CLTCL1: variants seen among roughly 807,000 people sequenced by gnomAD.
The protein encoded by CLTCL1 is clathrin heavy chain like 1.
In CLTCL1, 159 loss-of-function variants were observed where a neutral mutation model predicts 190.0. That is an observed-to-expected ratio of 0.84 (90% CI 0.74 to 0.95). The LOEUF is 0.95. Ranked by LOEUF, CLTCL1 falls within the 40% of genes least tolerant of loss-of-function variation. The pLI is 0.00. For synonymous variants in CLTCL1, 752 were observed against 769.6 expected, an observed-to-expected ratio of 0.98 and a Z score of 0.38; for missense variants, 1,878 against 2,033.4, an observed-to-expected ratio of 0.92 and a Z score of 1.47.
At position 19,276,738 on chromosome 22, in the gene CLTCL1, C is replaced by A. The variant is rs549111910; in HGVS notation, c.43-908G>T. ...AGGCTGGAGTGCAGTGGTGCGATCT[C>A]GGCTCACTGCAAGCTCCGCCTCCCG... On this transcript the variant is annotated intron_variant, in intron 1 of 32. Coordinates refer to ENST00000427926, the MANE Select transcript of CLTCL1 (RefSeq NM_007098.4). 3.3e-5 allele frequency among the ~76,000 whole-genome samples: 5 copies of A among 152,234 alleles called. No individual in the cohort carries two copies. In the South Asian group the frequency reaches 6.2e-4, roughly 19 times the overall value.
chr22:19,192,298 C>T (rs1449102264), intron 26 of CLTCL1, among the ~76,000 whole-genome samples: 1 of 152,114 alleles, frequency 6.6e-6, no homozygotes, highest in Non-Finnish European at 1.5e-5. Context: ...ATCTCCTGAC[C>T]TCGTGATCTC....
chr22:19,255,682 G>A (rs1448586483), intron 2 of CLTCL1, among the ~76,000 whole-genome samples: 3 of 151,898 alleles, frequency 2.0e-5, no homozygotes, highest in African/African-American at 7.3e-5. Flanking sequence ...AGCTGAGGCA[G>A]GTAGATTACC....
rs1555951467 is a variant in CLTCL1 at position 19,219,958 on chromosome 22, C to T, written c.2846G>A (p.Cys949Tyr). The change falls in exon 18 of 33, where the codon TGC becomes TAC. Residue 949 changes from cysteine to tyrosine, a missense_variant. Physicochemically the swap from Cys to Tyr is radical, Grantham distance 194. Coordinates refer to ENST00000427926, the MANE Select transcript of CLTCL1 (RefSeq NM_007098.4). ...AGCCCAGAGCTCCGGATCCTTTCTGCATACCAGGTAGCGGGCCTCGCTTTT... is the reference window on the plus strand; with the variant it reads ...AGCCCAGAGCTCCGGATCCTTTCTGTATACCAGGTAGCGGGCCTCGCTTTT... ...LFKSEARYLVCRKDPELWAHV... is the reference protein window; with the variant it reads ...LFKSEARYLVYRKDPELWAHV... 1 of 1,614,056 alleles carries T rather than the reference C, an allele frequency of 6.2e-7. No individual in the cohort carries two copies. The highest frequency in any genetic ancestry group is 2.2e-5 in the East Asian group (1 of 44,884).
intron 4 of CLTCL1, among the ~76,000 whole-genome samples, chr22:19,239,606 A>C (rs782714662): frequency 3.3e-5 from 5 of 152,232 alleles, no homozygotes; most frequent in Admixed American, 6.5e-5. Flanking sequence ...GGCCAATGCC[A>C]GGCAGCCTGG....
intron 1 of CLTCL1, among the ~76,000 whole-genome samples, chr22:19,286,006 A>T (rs2087894690): frequency 6.6e-6 from 1 of 152,164 alleles, no homozygotes; most frequent in Non-Finnish European, 1.5e-5. Flanking sequence ...CTGGGGAGAG[A>T]CAGACAGAGG....
rs145162755 is a variant in CLTCL1 at position 19,210,201 on chromosome 22, A to G, written c.3249+125T>C. 1.3e-3 allele frequency: 1,108 copies of G among 864,702 alleles called. 10 individuals carry two copies. In the African/African-American group the frequency reaches 0.016, roughly 12 times the overall value. The allele number at this position is 864,702 out of a possible 1,614,324, so 53.6% of individuals were successfully genotyped here. A position where few individuals can be genotyped will look rare whatever the true frequency, so the allele number is the denominator to read the frequency against. ...GGGTTGCTGGTGAGGAACAGAGAAG[A>G]GCACGAAGAGATGCACTGGACAACC... On this transcript the variant is annotated intron_variant, in intron 20 of 32. Coordinates refer to ENST00000427926, the MANE Select transcript of CLTCL1 (RefSeq NM_007098.4).
intron 3 of CLTCL1, among the ~76,000 whole-genome samples, chr22:19,249,034 A>G (rs533882246): frequency 1.3e-5 from 2 of 152,322 alleles, no homozygotes; most frequent in African/African-American, 4.8e-5. Flanking sequence ...CTTGTCAAAA[A>G]TCAATTGACC....
intron 29 of CLTCL1, among the ~76,000 whole-genome samples, chr22:19,186,550 C>A (rs1402975691): frequency 6.6e-6 from 1 of 152,128 alleles, no homozygotes; most frequent in East Asian, 1.9e-4. Context: ...CAGGTGCACA[C>A]AACCGTACCC....
intron 4 of CLTCL1, 80 bp downstream of exon 4, chr22:19,242,695 T>G: frequency 6.7e-7 from 1 of 1,496,120 alleles, no homozygotes; most frequent in South Asian, 1.2e-5. Flanking sequence ...CTGCAGGCCA[T>G]GCCCAGCCAC....
intron 7 of CLTCL1, 58 bp from the exon 8 acceptor site, chr22:19,233,680 C>T (rs1327580422): frequency 2.0e-6 from 3 of 1,528,890 alleles, no homozygotes; most frequent in Admixed American, 1.8e-5. Context: ...TCCCTTCACT[C>T]AACTTCCTTG....
chr22:19,257,024 GATT>G (rs1226026187), intron 2 of CLTCL1, among the ~76,000 whole-genome samples: 1 of 152,142 alleles, frequency 6.6e-6, no homozygotes, highest in African/African-American at 2.4e-5. Context: ...TGCATGCACT[GATT>G]TGATAAAAGT....
chr22:19,262,524 T>A (rs1424591527), intron 2 of CLTCL1, among the ~76,000 whole-genome samples: 1 of 150,156 alleles, frequency 6.7e-6, no homozygotes, highest in Non-Finnish European at 1.5e-5. Flanking sequence ...CCCACCTATT[T>A]GGGAGGCTGA....
intron 17 of CLTCL1, among the ~76,000 whole-genome samples, chr22:19,220,575 C>G (rs1555951756): frequency 1.3e-5 from 2 of 152,214 alleles, no homozygotes; most frequent in African/African-American, 4.8e-5. Flanking sequence ...CACCAACAGT[C>G]CACTGGAATG....
chr22:19,184,924 C>CG, intron 29 of CLTCL1: 2 of 211,342 alleles, frequency 9.5e-6, no homozygotes, highest in Non-Finnish European at 1.9e-5. Context: ...TCCAGCTCTC[C>CG]AGTCTACACC....
chr22:19,216,973 G>C (rs1445736184), intron 18 of CLTCL1, among the ~76,000 whole-genome samples: 1 of 152,204 alleles, frequency 6.6e-6, no homozygotes, highest in East Asian at 1.9e-4. Flanking sequence ...GTATCAATGA[G>C]AGGGAAGAGA....
chr22:19,266,239 A>C (rs1485220640), intron 2 of CLTCL1, among the ~76,000 whole-genome samples: 2 of 151,990 alleles, frequency 1.3e-5, no homozygotes, highest in East Asian at 3.9e-4. Context: ...CAAAATTAAG[A>C]ATGAAAGAGG....
At chr22:19,288,987 C>T (rs1314256609) in intron 1 of CLTCL1, among the ~76,000 whole-genome samples, 9 of 152,208 alleles carry the variant, frequency 5.9e-5, no homozygotes, top group East Asian at 3.8e-4. Context: ...CCTAGCTCAT[C>T]GCATCTTATT....
At chr22:19,222,946 A>C in intron 14 of CLTCL1, 137 bp from the exon 15 acceptor site, 1 of 1,019,284 alleles carries the variant, frequency 9.8e-7, no homozygotes, top group Non-Finnish European at 1.4e-6. Flanking sequence ...GACTGCTCTA[A>C]ATAGGCTGTC....
At chr22:19,271,640 C>T (rs1394239992) in intron 2 of CLTCL1, among the ~76,000 whole-genome samples, 1 of 152,148 alleles carries the variant, frequency 6.6e-6, no homozygotes, top group Admixed American at 6.5e-5. Context: ...ATTATCCTGT[C>T]TCAGGTAGTT....
Sources: allele counts gnomAD v4.1 joint callset (sites outside exome capture counted in the v4.1 genomes callset), GRCh38; gene constraint gnomAD v4.1.1; transcripts MANE v1.5; gene names NCBI Gene and HGNC (gene_info 2026-07-23, HGNC 2026-07-21).